TTLL3: variants seen among roughly 807,000 people sequenced by gnomAD.
TTLL3 encodes tubulin tyrosine ligase like 3.
A neutral mutation model predicts 75.2 loss-of-function variants in TTLL3; 63 were observed. That is an observed-to-expected ratio of 0.84 (90% CI 0.68 to 1.03). The LOEUF (loss-of-function observed/expected upper bound fraction) is 1.03, where lower values mean the gene tolerates loss of function less well. Ranked by LOEUF, TTLL3 falls within the 50% of genes least tolerant of loss-of-function variation. The pLI is 0.00. For missense variants in TTLL3, 997 were observed against 1,069.9 expected (o/e 0.93, Z 0.95); for synonymous variants, 393 against 418.5 (o/e 0.94, Z 0.74).
chr3:9,823,037 A>C (rs1466948119), intron 8 of TTLL3, among the ~76,000 whole-genome samples: 1 of 150,938 alleles, frequency 6.6e-6, no homozygotes, highest in African/African-American at 2.4e-5. Context: ...TGAAGTCAGG[A>C]GTTCAAGACC....
In TTLL3 at chr3:9,833,216, C is replaced by T. The variant is rs373454584; in HGVS notation, c.1796C>T (p.Pro599Leu). The change falls in exon 12 of 14, where the codon CCT becomes CTT. Residue 599 changes from proline to leucine, a missense_variant. Pro to Leu is a moderately conservative substitution (Grantham distance 98, BLOSUM62 -3). Transcript: ENST00000685419. ...CGGATGGGGGTCCGCCCAGCAGTCC[C>T]TCTGCTGACCCAGCGAGGCTCTGGG... ...HRRMGVRPAV[P>L]LLTQRGSGEA... 12 of 1,613,960 alleles carry T rather than the reference C, an allele frequency of 7.4e-6. No homozygotes were observed. The African/African-American group carries it at 1.5e-4, about 20-fold the overall frequency.
Position 9,812,937 on chromosome 3 carries a change from T to C in TTLL3, c.49-6T>C, listed in dbSNP as rs372449111. 26 of 1,495,820 alleles carry C rather than the reference T, an allele frequency of 1.7e-5. No individual in the cohort carries two copies. Among genetic ancestry groups the C allele is most frequent in the Non-Finnish European group, 2.3e-5 (26 of 1,119,898 alleles). 92.7% of individuals were successfully genotyped at this position (1,495,820 alleles called of 1,614,324 possible). A position where few individuals can be genotyped will look rare whatever the true frequency, so the allele number is the denominator to read the frequency against. On this transcript the variant is annotated splice_region_variant and splice_polypyrimidine_tract_variant and intron_variant, in intron 2 of 13. Coordinates refer to ENST00000685419, the MANE Select transcript of TTLL3 (RefSeq NM_001387446.1). ...ATTGAAGAAGTATCCTTCTCTCACA[T>C]TGCAGCAGAAGAAGATCTTTACAAT...
At position 9,834,807 on chromosome 3, in the gene TTLL3, C is replaced by T. The variant is rs202076799; in HGVS notation, c.1952C>T (p.Thr651Ile). The change falls in exon 13 of 14, where the codon ACA (threonine) becomes ATA (isoleucine). Residue 651 changes from threonine (T) to isoleucine (I), a missense_variant. By Grantham distance (89) the Thr-to-Ile change is moderately conservative. Coordinates refer to ENST00000685419, the MANE Select transcript of TTLL3 (RefSeq NM_001387446.1). Reference protein sequence around the residue: ...KLVGTKALSTTGKALRTLPTA... With the variant: ...KLVGTKALSTIGKALRTLPTA... ...GTGGGCACTAAGGCCCTGTCGACCA[C>T]AGGCAAGGCCTTGAGGACTCTACCC... 6.1e-4 allele frequency: 977 copies of T among 1,614,222 alleles called. 4 individuals carry two copies. The highest frequency in any genetic ancestry group is 9.5e-5 in the Non-Finnish European group (112 of 1,180,020).
chr3:9,817,616 C>T (rs987357919), intron 5 of TTLL3, 29 bp from the exon 6 acceptor site: 42 of 1,613,422 alleles, frequency 2.6e-5, no homozygotes, highest in Non-Finnish European at 3.6e-5. Context: ...GGCAGTCCTG[C>T]CCTGCCCTCT....
At chr3:9,810,103 G>T (rs1025342195), upstream of TTLL3, 1 of 1,441,622 alleles carries the variant, frequency 6.9e-7, no homozygotes, top group Non-Finnish European at 9.1e-7. The surrounding 1 kb of genome is among the most constrained non-coding windows in gnomAD (Gnocchi z 4.4). Flanking sequence ...GGGCGGCGCG[G>T]TGTGCAACTG....
intron 11 of TTLL3, 79 bp from the exon 12 acceptor site, chr3:9,833,025 T>C (rs1375968268): frequency 6.4e-7 from 1 of 1,556,484 alleles, no homozygotes; most frequent in East Asian, 2.3e-5. Context: ...ATTCCACCCA[T>C]CTCTACTCTG....
In TTLL3 at chr3:9,810,575, GGCCCAGCCTCAGTGT is replaced by G; in HGVS notation, c.-41-45_-41-31del. ...GAAAAGATCCTAGGCCGAGACCCTA[GGCCCAGCCTCAGTGT>G]ACCCCGCCCCTATTCCGCATCTTTC... On this transcript the variant is annotated intron_variant, in intron 1 of 13. Coordinates refer to ENST00000685419, the MANE Select transcript of TTLL3 (RefSeq NM_001387446.1). The surrounding 1 kb of genome is among the most constrained non-coding windows in gnomAD (Gnocchi z 4.4). The G allele has an allele frequency of 6.5e-7, 1 of 1,542,030 alleles. No homozygotes were observed. Among genetic ancestry groups the G allele is most frequent in the South Asian group, 1.2e-5 (1 of 83,052 alleles).
chr3:9,820,469 A>C, intron 7 of TTLL3, 77 bp from the exon 8 acceptor site: 3 of 1,583,504 alleles, frequency 1.9e-6, no homozygotes, highest in Non-Finnish European at 2.6e-6. Flanking sequence ...GACAGGCCTT[A>C]GGACAATGGG....
chr3:9,827,587 T>C (rs1042714990), intron 10 of TTLL3: 6 of 276,378 alleles, frequency 2.2e-5, no homozygotes, highest in Admixed American at 9.6e-5. Flanking sequence ...AATGTAGACA[T>C]GGGGTCTCAC....
chr3:9,809,925 A>C, upstream of TTLL3: 7 of 128,474 alleles, frequency 5.4e-5, no homozygotes, highest in Non-Finnish European at 7.5e-5. Flanking sequence ...GAGCCTAGGC[A>C]GGAACTTCCC....
In TTLL3 at chr3:9,828,638, G is replaced by A. The variant is rs12633458; in HGVS notation, c.1248-322G>A. 5.6e-4 allele frequency: 192 copies of A among 340,184 alleles called. 1 individual carries two copies. In the East Asian group the frequency reaches 0.011, roughly 19 times the overall value. The allele number at this position is 340,184 out of a possible 1,614,324, so 21.1% of individuals were successfully genotyped here. A position where few individuals can be genotyped will look rare whatever the true frequency, so the allele number is the denominator to read the frequency against. On this transcript the variant is annotated intron_variant, in intron 10 of 13. Transcript: ENST00000685419. ...AGATGGCGCTTGAACACGTCCTGGC[G>A]ATGACGGGGCCATACCCTTACCCAC...
intron 7 of TTLL3, 66 bp downstream of exon 7, chr3:9,818,986 T>C: frequency 6.2e-7 from 1 of 1,604,400 alleles, no homozygotes; most frequent in Non-Finnish European, 8.5e-7. Context: ...CTTCCACCTA[T>C]CTGCCCTTCT....
Position 9,825,891 on chromosome 3 carries a change from A to G in TTLL3, c.946A>G (p.Met316Val), listed in dbSNP as rs2080992199. 4 of 1,614,172 alleles carry G rather than the reference A, an allele frequency of 2.5e-6. No homozygotes were observed. Among genetic ancestry groups the G allele is most frequent in the Non-Finnish European group, 3.4e-6 (4 of 1,180,012 alleles). The change falls in exon 9 of 14, where the codon ATG (methionine) becomes GTG (valine). Residue 316 changes from methionine to valine, a missense_variant. Coordinates refer to ENST00000685419, the MANE Select transcript of TTLL3 (RefSeq NM_001387446.1). ...GCAGGCCGTGGTACCCCAGATAGAC[A>G]TGGAAGGGGATCGCAACATCTGGAT... ...QLQAVVPQID[M>V]EGDRNIWIVK...
At chr3:9,820,950 T>C (rs2080355187) in intron 8 of TTLL3, 4 of 714,478 alleles carry the variant, frequency 5.6e-6, no homozygotes, top group African/African-American at 3.5e-5. Flanking sequence ...ACTAAGAGCA[T>C]GGACTGTGCC....
rs1006060624 is a variant in TTLL3, at chr3:9,810,271, C to T, written c.-165C>T. 1.9e-5 allele frequency: 28 copies of T among 1,507,008 alleles called. No individual in the cohort carries two copies. Among genetic ancestry groups the T allele is most frequent in the African/African-American group, 2.9e-5 (2 of 69,342 alleles). 93.4% of individuals were successfully genotyped at this position (1,507,008 alleles called of 1,614,324 possible). ...CAGATGCCAGGCGGGCAGCCCCGCC[C>T]CTGCGCGCCGCCTCAGCGGCGCCTT... is the stretch of plus-strand genomic sequence containing the variant. On this transcript the variant is annotated 5_prime_UTR_variant, in exon 1 of 14. Coordinates refer to ENST00000685419, the MANE Select transcript of TTLL3 (RefSeq NM_001387446.1). The surrounding 1 kb of genome is among the most constrained non-coding windows in gnomAD (Gnocchi z 4.4).
chr3:9,819,620 A>G (rs1467549290), intron 7 of TTLL3: 2 of 985,536 alleles, frequency 2.0e-6, no homozygotes, highest in East Asian at 1.1e-4. Flanking sequence ...AACCCTCACT[A>G]TCATGCATGC....
intron 11 of TTLL3, 53 bp from the exon 12 acceptor site, chr3:9,833,051 A>G: frequency 1.2e-6 from 2 of 1,600,600 alleles, no homozygotes; most frequent in Non-Finnish European, 8.5e-7. Flanking sequence ...CGCTGGGCCA[A>G]GGATTCCAGT....
chr3:9,820,698 G>A lies in TTLL3; in HGVS notation c.811G>A (p.Glu271Lys), dbSNP rs1258359695. The A allele has an allele frequency of 9.9e-6, 16 of 1,614,008 alleles. No individual in the cohort carries two copies. The highest frequency in any genetic ancestry group is 2.2e-5 in the East Asian group (1 of 44,892). ...GGAGGCCCCGCTGTACCTCACCCCCGAGGGCTGGTCCCTCTTCCTCCAGCG... is the reference window on the plus strand; with the variant it reads ...GGAGGCCCCGCTGTACCTCACCCCCAAGGGCTGGTCCCTCTTCCTCCAGCG... ...DLEAPLYLTP[E>K]GWSLFLQRYY... Residue 271 changes from glutamate (E) to lysine (K), a missense_variant, in exon 8 of 14, where the codon GAG (glutamate) becomes AAG (lysine). Physicochemically the swap from Glu to Lys is moderately conservative, Grantham distance 56 (BLOSUM62 1). Coordinates refer to ENST00000685419, the MANE Select transcript of TTLL3 (RefSeq NM_001387446.1).
At position 9,833,089 on chromosome 3, in the gene TTLL3, T is replaced by C. The variant is rs2081723737; in HGVS notation, c.1684-15T>C. The C allele has an allele frequency of 1.9e-6, 3 of 1,613,868 alleles. No homozygotes were observed. Among genetic ancestry groups the C allele is most frequent in the East Asian group, 4.5e-5 (2 of 44,854 alleles). The stretch of plus-strand genomic sequence containing the variant: ...CACTGACTGAGTGGGCCTTGTCTCC[T>C]CTTCTTGCCCACAGCCTGCTGTGGA... On this transcript the variant is annotated splice_polypyrimidine_tract_variant and intron_variant, in intron 11 of 13. Transcript: ENST00000685419.
Sources: allele counts gnomAD v4.1 joint callset (sites outside exome capture counted in the v4.1 genomes callset), GRCh38; gene constraint gnomAD v4.1.1; non-coding constraint Gnocchi (gnomAD v3.1); transcripts MANE v1.5; gene names NCBI Gene and HGNC (gene_info 2026-07-23, HGNC 2026-07-21).